The following ZC3H7A variants were observed in gnomAD, a reference collection of about 807,000 sequenced individuals.
The protein encoded by ZC3H7A is zinc finger CCCH-type containing 7A.
A neutral mutation model predicts 125.5 loss-of-function variants in ZC3H7A; 44 were observed. The observed-to-expected ratio is 0.35, with a 90% CI of 0.28 to 0.45. The LOEUF (loss-of-function observed/expected upper bound fraction) is 0.45, where lower values mean the gene tolerates loss of function less well. Among genes scored for constraint, ZC3H7A ranks in the 20% least tolerant of loss-of-function variants. ZC3H7A has a pLI of 1.00. For synonymous variants in ZC3H7A, 399 were observed against 391.2 expected (o/e 1.02, Z -0.23); for missense variants, 977 against 1,170.7 (o/e 0.83, Z 2.41).
In ZC3H7A at chr16:11,751,078, G is replaced by T; in HGVS notation, c.*239C>A. 2.4e-6 allele frequency: 1 copy of T among 414,604 alleles called. No homozygotes were observed. Among genetic ancestry groups the T allele is most frequent in the Non-Finnish European group, 4.3e-6 (1 of 231,020 alleles). 25.7% of individuals were successfully genotyped at this position (414,604 alleles called of 1,614,324 possible). A position where few individuals can be genotyped will look rare whatever the true frequency, so the allele number is the denominator to read the frequency against. On this transcript the variant is annotated 3_prime_UTR_variant, in exon 23 of 23. Transcript: ENST00000355758. ...CCCAACACACTTCATCCAAAAGTCT[G>T]TTCAACAGATGGCAACCGGGTAGCA...
intron 1 of ZC3H7A, among the ~76,000 whole-genome samples, chr16:11,788,858 T>A (rs556478660): frequency 8.1e-4 from 124 of 152,252 alleles, no homozygotes; most frequent in Non-Finnish European, 1.5e-3. Context: ...GTGATCTGCC[T>A]GCCTCAGCCT....
chr16:11,751,519 G>T lies in ZC3H7A; in HGVS notation c.2727-13C>A. On this transcript the variant is annotated splice_polypyrimidine_tract_variant and intron_variant, in intron 22 of 22. Coordinates refer to ENST00000355758, the MANE Select transcript of ZC3H7A (RefSeq NM_014153.4). ...GCCATTCATATACCTGTAAGGAGAAGTCAGCTGCTCAGTGTCCATATAAGT... is the reference window on the plus strand; with the variant it reads ...GCCATTCATATACCTGTAAGGAGAATTCAGCTGCTCAGTGTCCATATAAGT... 6.2e-7 allele frequency: 1 copy of T among 1,608,910 alleles called. No individual in the cohort carries two copies. Among genetic ancestry groups the T allele is most frequent in the South Asian group, 1.1e-5 (1 of 89,648 alleles).
intron 1 of ZC3H7A, among the ~76,000 whole-genome samples, chr16:11,795,499 C>T (rs1280880436): frequency 2.6e-5 from 4 of 152,234 alleles, no homozygotes; most frequent in African/African-American, 9.6e-5. Context: ...TGCAGTGGCA[C>T]AATCTCGGCT....
intron 3 of ZC3H7A, 140 bp from the exon 4 acceptor site, chr16:11,779,503 G>A (rs1000076753): frequency 2.8e-6 from 2 of 715,482 alleles, no homozygotes; most frequent in African/African-American, 3.6e-5. Context: ...GTGAGATGCA[G>A]CCCAAGTCAC....
At chr16:11,793,210 T>C (rs997479204) in intron 1 of ZC3H7A, among the ~76,000 whole-genome samples, 17 of 152,194 alleles carry the variant, frequency 1.1e-4, no homozygotes, top group African/African-American at 3.9e-4. Flanking sequence ...TTTGTACTTT[T>C]GCCTAAAAAG....
At chr16:11,795,928 G>A (rs115230661) in intron 1 of ZC3H7A, among the ~76,000 whole-genome samples, 1 of 151,998 alleles carries the variant, frequency 6.6e-6, no homozygotes, top group Admixed American at 6.6e-5. Context: ...CCAGCCTTCC[G>A]AGTAGCAGAT....
chr16:11,754,476 T>C (rs2052605205), intron 21 of ZC3H7A, among the ~76,000 whole-genome samples: 1 of 151,512 alleles, frequency 6.6e-6, no homozygotes, highest in East Asian at 2.0e-4. Flanking sequence ...CAATGGGCAA[T>C]GAAACTGGAT....
chr16:11,762,719 C>A lies in ZC3H7A; in HGVS notation c.2031G>T (p.Glu677Asp). 1.2e-6 allele frequency: 2 copies of A among 1,613,974 alleles called. No individual in the cohort carries two copies. The highest frequency in any genetic ancestry group is 1.7e-6 in the Non-Finnish European group (2 of 1,180,010). The change falls in exon 17 of 23, where the codon GAG (glutamate) becomes GAT (aspartate). Residue 677 changes from glutamate to aspartate, a missense_variant. Around this residue, in one of 3 missense-constraint regions of ZC3H7A, gnomAD observed 436 missense variants for 603.2 expected, o/e 0.72. Coordinates refer to ENST00000355758, the MANE Select transcript of ZC3H7A (RefSeq NM_014153.4). ...CCAAATTCTGCCAATATCGTTTAGA[C>A]TCTTGAGCAATAGCATCATGTGAGA... ...TGISHDAIAQ[E>D]SKRYWQNLEA...
chr16:11,775,784 A>G (rs1380579334), intron 7 of ZC3H7A, among the ~76,000 whole-genome samples: 1 of 152,212 alleles, frequency 6.6e-6, no homozygotes, highest in African/African-American at 2.4e-5. Context: ...AACATCCTAT[A>G]AAATGCCCCA....
At chr16:11,794,054 T>A (rs552647911) in intron 1 of ZC3H7A, among the ~76,000 whole-genome samples, 7 of 152,324 alleles carry the variant, frequency 4.6e-5, no homozygotes, top group African/African-American at 1.4e-4. Context: ...TAAGTGGTGG[T>A]TCCCAGGAAC....
intron 1 of ZC3H7A, among the ~76,000 whole-genome samples, chr16:11,795,885 C>A (rs2141227870): frequency 6.6e-6 from 1 of 152,320 alleles, no homozygotes; most frequent in South Asian, 2.1e-4. Context: ...TCACCGAAGC[C>A]TCAATCTCCT....
chr16:11,775,004 G>C lies in ZC3H7A; in HGVS notation c.595C>G (p.His199Asp). 1.2e-6 allele frequency: 2 copies of C among 1,614,146 alleles called. No individual in the cohort carries two copies. The highest frequency in any genetic ancestry group is 1.7e-6 in the Non-Finnish European group (2 of 1,180,000). ...CCTGGCTCAATATCTTCCACAGAAT[G>C]GTTCAAAGCCTAGAAATTAAACCAA... ...PGDGATKALN[H>D]SVEDIEPDLL... The change falls in exon 8 of 23, where the codon CAT becomes GAT. Residue 199 changes from histidine (H) to aspartate (D), a missense_variant. His to Asp is a moderately conservative substitution (Grantham distance 81, BLOSUM62 -1). This residue lies in a region of ZC3H7A where 199 missense variants were observed against 256.1 expected (regional missense o/e 0.78). Coordinates refer to ENST00000355758, the MANE Select transcript of ZC3H7A (RefSeq NM_014153.4).
Position 11,770,927 on chromosome 16 carries a change from A to T in ZC3H7A, c.964T>A (p.Ser322Thr). ...GGTAAGGTTCCTAACAGCGATGCCG[A>T]AAAGGGCATGCTAGGAGAGACACTG... ...TASVSPSMPF[S>T]ASLLGTLPIG... The change falls in exon 10 of 23, where the codon TCG (serine) becomes ACG (threonine). Residue 322 changes from serine to threonine, a missense_variant. Ser to Thr is a moderately conservative substitution (Grantham distance 58, BLOSUM62 1). Around this residue, in one of 3 missense-constraint regions of ZC3H7A, gnomAD observed 342 missense variants for 311.3 expected, o/e 1.10. Coordinates refer to ENST00000355758, the MANE Select transcript of ZC3H7A (RefSeq NM_014153.4). The T allele has an allele frequency of 1.9e-6, 3 of 1,614,036 alleles. No individual in the cohort carries two copies. The highest frequency in any genetic ancestry group is 2.5e-6 in the Non-Finnish European group (3 of 1,179,926).
At chr16:11,797,065 G>A (rs997157243) in intron 1 of ZC3H7A, 59 bp downstream of exon 1, 1 of 144,060 alleles carries the variant, frequency 6.9e-6, no homozygotes, top group African/African-American at 2.6e-5. Context: ...CGCGCGGGGG[G>A]GGCGGGGGCG....
chr16:11,770,337 C>T (rs563951929), intron 10 of ZC3H7A, among the ~76,000 whole-genome samples: 2 of 152,258 alleles, frequency 1.3e-5, no homozygotes, highest in South Asian at 2.1e-4. Context: ...GCAGCAGCCA[C>T]GGTTTGCTGA....
At chr16:11,757,153 C>T (rs2141159845) in intron 20 of ZC3H7A, among the ~76,000 whole-genome samples, 1 of 152,170 alleles carries the variant, frequency 6.6e-6, no homozygotes, top group East Asian at 1.9e-4. Flanking sequence ...AAAATATCTC[C>T]AGACATTGCC....
intron 1 of ZC3H7A, among the ~76,000 whole-genome samples, chr16:11,789,181 C>T (rs1467022535): frequency 6.6e-6 from 1 of 152,072 alleles, no homozygotes; most frequent in Non-Finnish European, 1.5e-5. Flanking sequence ...TCATGGGACT[C>T]CATGTACTAC....
chr16:11,782,165 T>G, intron 2 of ZC3H7A, 122 bp downstream of exon 2: 1 of 1,059,454 alleles, frequency 9.4e-7, no homozygotes, highest in Non-Finnish European at 1.4e-6. Flanking sequence ...GAATATGGAG[T>G]TTCTAACCCA....
Position 11,774,354 on chromosome 16 carries a change from T to C in ZC3H7A, c.785A>G (p.Asn262Ser), listed in dbSNP as rs770049821. 1.2e-6 allele frequency: 2 copies of C among 1,614,076 alleles called. No homozygotes were observed. Among genetic ancestry groups the C allele is most frequent in the South Asian group, 1.1e-5 (1 of 91,066 alleles). Residue 262 changes from asparagine to serine, a missense_variant, in exon 9 of 23, where the codon AAT becomes AGT. Asn to Ser is a conservative substitution (Grantham distance 46). Around this residue, in one of 3 missense-constraint regions of ZC3H7A, gnomAD observed 342 missense variants for 311.3 expected, o/e 1.10. Coordinates refer to ENST00000355758, the MANE Select transcript of ZC3H7A (RefSeq NM_014153.4). ...CATAGTGAAGGGCATCTTTCCTCCATTTGCCAGCACTGCAGATGGCAGAGC... is the reference window on the plus strand; with the variant it reads ...CATAGTGAAGGGCATCTTTCCTCCACTTGCCAGCACTGCAGATGGCAGAGC... ...ESALPSAVLA[N>S]GGKMPFTMPE...
Sources: allele counts gnomAD v4.1 joint callset (sites outside exome capture counted in the v4.1 genomes callset), GRCh38; gene constraint gnomAD v4.1.1; regional missense constraint gnomAD v4.1.1; transcripts MANE v1.5; gene names NCBI Gene and HGNC (gene_info 2026-07-23, HGNC 2026-07-21).